Variants in PXMP2 observed in about 807,000 individuals in gnomAD.
PXMP2 encodes peroxisomal membrane protein 2, also known as 22 kDa peroxisomal membrane protein.
In PXMP2, 13 loss-of-function variants were observed where a neutral mutation model predicts 20.2. The ratio of observed to expected loss-of-function variants is 0.64; its 90% CI spans 0.42 to 1.02. The LOEUF (loss-of-function observed/expected upper bound fraction) is 1.02. PXMP2 is among the 50% of genes least tolerant of loss of function. The pLI is 0.00. For synonymous variants in PXMP2, 113 were observed against 111.2 expected (o/e 1.02, Z -0.10); for missense variants, 284 against 251.8 (o/e 1.13, Z -0.87).
At position 132,687,633 on chromosome 12, in the gene PXMP2, G is replaced by C; in HGVS notation, c.-38G>C. On this transcript the variant is annotated 5_prime_UTR_variant, in exon 1 of 5. Coordinates refer to ENST00000317479, the MANE Select transcript of PXMP2 (RefSeq NM_018663.3). ...GCTCCGCGCCCGGCCAGCCTGAGGT[G>C]GGGTCGGTGCCCCCGGCGGCACGGC... is the stretch of plus-strand genomic sequence containing the variant. 1 of 1,157,556 alleles carries C rather than the reference G, an allele frequency of 8.6e-7. No homozygotes were observed. 71.7% of individuals were successfully genotyped at this position (1,157,556 alleles called of 1,614,324 possible).
chr12:132,703,173 C>T (rs1052919249), intron 4 of PXMP2, among the ~76,000 whole-genome samples: 1 of 152,156 alleles, frequency 6.6e-6, no homozygotes, highest in Non-Finnish European at 1.5e-5. Flanking sequence ...TGGCTCATGC[C>T]TGTAATCCCA....
chr12:132,692,679 T>A lies in PXMP2; in HGVS notation c.236+2303T>A, dbSNP rs1285900096. On this transcript the variant is annotated intron_variant, in intron 2 of 4. Coordinates refer to ENST00000317479, the MANE Select transcript of PXMP2 (RefSeq NM_018663.3). ...TTAGTGAGCGCCCTTAGCCAGTTAG[T>A]TAGTGAGCGCCCTTGCCAGTTAGTT... Among the ~76,000 whole-genome samples the A allele has an allele frequency of 2.5e-3, 317 of 125,490 alleles. 1 individual carries two copies. The highest frequency in any genetic ancestry group is 9.0e-3 in the African/African-American group (301 of 33,600). 82.3% of individuals were successfully genotyped at this position (125,490 alleles called of 152,430 possible).
In PXMP2 at chr12:132,696,040, T is replaced by C. The variant is rs1256745859; in HGVS notation, c.393T>C (p.Phe131=). The stretch of plus-strand genomic sequence containing the variant: ...TGTTGTTCTTCCTCATCATGAACTT[T>C]CTGGAGGTGGGTGTCTGCCACAGCA... ...FLMLFFLIMN[F]LEGKDASAFA... is the part of the protein sequence containing the mutation. The change falls in exon 3 of 5, where the codon TTT becomes TTC. Residue 131 remains phenylalanine (F), a synonymous_variant. Coordinates refer to ENST00000317479, the MANE Select transcript of PXMP2 (RefSeq NM_018663.3). The surrounding 1 kb of genome is among the most constrained non-coding windows in gnomAD (Gnocchi z 4.4). 3 of 1,604,204 alleles carry C rather than the reference T, an allele frequency of 1.9e-6. No individual in the cohort carries two copies. The highest frequency in any genetic ancestry group is 1.7e-6 in the Non-Finnish European group (2 of 1,174,498).
intron 2 of PXMP2, among the ~76,000 whole-genome samples, chr12:132,692,663 G>T (rs74774804): frequency 7.2e-5 from 8 of 111,070 alleles, no homozygotes; most frequent in East Asian, 5.3e-4. Flanking sequence ...GTTAGTGAGC[G>T]CCCTTAGCCA....
Position 132,687,737 on chromosome 12 carries a change from G to C in PXMP2, c.67G>C (p.Ala23Pro). The part of the protein sequence containing the change: ...GLGALPRRAL[A>P]QYLLFLRLYP... ...CGGGGCGCTGCCGCGGCGGGCGCTC[G>C]CCCAGTACCTGCTCTTCCTGCGGCT... The change falls in exon 1 of 5, where the codon GCC (alanine) becomes CCC (proline). Residue 23 changes from alanine to proline, a missense_variant. By Grantham distance (27) the Ala-to-Pro change is conservative. Coordinates refer to ENST00000317479, the MANE Select transcript of PXMP2 (RefSeq NM_018663.3). The C allele has an allele frequency of 1.6e-6, 2 of 1,219,002 alleles. No individual in the cohort carries two copies. Among genetic ancestry groups the C allele is most frequent in the Non-Finnish European group, 2.0e-6 (2 of 976,962 alleles). 75.5% of individuals were successfully genotyped at this position (1,219,002 alleles called of 1,614,324 possible).
intron 2 of PXMP2, among the ~76,000 whole-genome samples, chr12:132,695,678 G>GAGTCA (rs1171747600): frequency 6.6e-6 from 1 of 152,232 alleles, no homozygotes; most frequent in East Asian, 1.9e-4. Context: ...TGGGAGCAGA[G>GAGTCA]AGTCAACGGC....
chr12:132,694,557 T>C (rs527447169), intron 2 of PXMP2, among the ~76,000 whole-genome samples: 9 of 95,830 alleles, frequency 9.4e-5, no homozygotes, highest in East Asian at 3.0e-4. Context: ...CCTTGCCAGT[T>C]AGTTAGTGAG....
rs1489001528 is a variant in PXMP2 at position 132,695,970 on chromosome 12, G to A, written c.323G>A (p.Arg108Lys). 6.2e-7 allele frequency: 1 copy of A among 1,612,748 alleles called. No homozygotes were observed. Among genetic ancestry groups the A allele is most frequent in the Admixed American group, 1.7e-5 (1 of 59,850 alleles). ...IPPEVPLAGL[R>K]RLLLDRLVFA... ...CCTGAGGTCCCCCTGGCAGGGCTCA[G>A]GAGGCTTCTCCTGGACCGCCTCGTC... The change falls in exon 3 of 5, where the codon AGG (arginine) becomes AAG (lysine). Residue 108 changes from arginine to lysine, a missense_variant. Coordinates refer to ENST00000317479, the MANE Select transcript of PXMP2 (RefSeq NM_018663.3).
In PXMP2 at chr12:132,701,354, C is replaced by T. The variant is rs1593109760; in HGVS notation, c.504C>T (p.Asn168=). ...VWTPLQFINI[N]YVPLKFRVLF... Reference sequence around the variant, plus strand: ...CGCCACTACAGTTCATCAACATCAACTACGTCCCTCTGAAGGTGAGGGCCA... The same window carrying T: ...CGCCACTACAGTTCATCAACATCAATTACGTCCCTCTGAAGGTGAGGGCCA... The change falls in exon 4 of 5, where the codon AAC becomes AAT. Residue 168 remains asparagine, a synonymous_variant. Coordinates refer to ENST00000317479, the MANE Select transcript of PXMP2 (RefSeq NM_018663.3). The T allele has an allele frequency of 6.2e-7, 1 of 1,612,954 alleles. No homozygotes were observed.
At chr12:132,694,684 T>G (rs1435599021) in intron 2 of PXMP2, among the ~76,000 whole-genome samples, 66 of 127,390 alleles carry the variant, frequency 5.2e-4, no homozygotes, top group African/African-American at 1.9e-3. Context: ...GTTAGTGAGC[T>G]CCCTTAGCCA....
chr12:132,701,741 A>G (rs936643975), intron 4 of PXMP2: 2 of 267,000 alleles, frequency 7.5e-6, no homozygotes, highest in African/African-American at 2.3e-5. Context: ...GGCAACTTGA[A>G]TCTATGCTCC....
At position 132,701,336 on chromosome 12, in the gene PXMP2, A is replaced by G. The variant is rs1160498215; in HGVS notation, c.486A>G (p.Leu162=). The part of the protein sequence containing the change: ...LRMNWRVWTP[L]QFININYVPL... ...TGAACTGGCGGGTGTGGACGCCACT[A>G]CAGTTCATCAACATCAACTACGTCC... is the stretch of plus-strand genomic sequence containing the variant. Residue 162 remains leucine, a synonymous_variant, in exon 4 of 5, where the codon CTA becomes CTG. Coordinates refer to ENST00000317479, the MANE Select transcript of PXMP2 (RefSeq NM_018663.3). 2 of 1,613,094 alleles carry G rather than the reference A, an allele frequency of 1.2e-6. No homozygotes were observed. Among genetic ancestry groups the G allele is most frequent in the Admixed American group, 1.7e-5 (1 of 59,986 alleles).
At chr12:132,692,512 G>A in intron 2 of PXMP2, among the ~76,000 whole-genome samples, 1 of 111,496 alleles carries the variant, frequency 9.0e-6, no homozygotes, top group Non-Finnish European at 2.0e-5. Context: ...GTTAGTTAGT[G>A]AGCTCCCTTG....
intron 1 of PXMP2, among the ~76,000 whole-genome samples, chr12:132,689,144 A>G (rs1388668924): frequency 6.4e-5 from 5 of 77,862 alleles, no homozygotes; most frequent in Non-Finnish European, 9.8e-5. Context: ...GGCGCGGGTG[A>G]AGACAGGGCG....
At chr12:132,687,989 C>T (rs376718725) in intron 1 of PXMP2, 197 bp downstream of exon 1, 1 of 412,182 alleles carries the variant, frequency 2.4e-6, no homozygotes, top group Non-Finnish European at 3.5e-6. Flanking sequence ...TGTGAGGCGC[C>T]TTGCGGATCC....
At chr12:132,702,256 C>T (rs2043447012) in intron 4 of PXMP2, among the ~76,000 whole-genome samples, 1 of 152,202 alleles carries the variant, frequency 6.6e-6, no homozygotes, top group Admixed American at 6.5e-5. Context: ...AAGGGGTGGG[C>T]CCATCCAGGT....
intron 2 of PXMP2, among the ~76,000 whole-genome samples, chr12:132,691,839 T>C (rs1229146527): frequency 6.6e-6 from 1 of 152,250 alleles, no homozygotes; most frequent in Non-Finnish European, 1.5e-5. Flanking sequence ...GTTGCTGAAT[T>C]TTATGGAACT....
chr12:132,703,362 G>A (rs567323421), intron 4 of PXMP2, among the ~76,000 whole-genome samples: 1 of 152,290 alleles, frequency 6.6e-6, no homozygotes, highest in East Asian at 1.9e-4. Flanking sequence ...TCAGAGATGC[G>A]GCCATGGTGG....
At chr12:132,699,869 T>C (rs2043429215) in intron 3 of PXMP2, among the ~76,000 whole-genome samples, 1 of 152,090 alleles carries the variant, frequency 6.6e-6, no homozygotes, top group South Asian at 2.1e-4. Flanking sequence ...TCCTTTTCCT[T>C]TGGGTAGAGG....
Sources: gnomAD v4.1 joint callset for allele counts (sites outside exome capture counted in the v4.1 genomes callset) on GRCh38, gnomAD v4.1.1 for gene constraint, Gnocchi (gnomAD v3.1) non-coding constraint, MANE v1.5 for transcripts, NCBI Gene and HGNC (gene_info 2026-07-23, HGNC 2026-07-21) for gene names.